PITPNC1: variants seen among roughly 807,000 people sequenced by gnomAD.
PITPNC1 encodes the protein phosphatidylinositol transfer protein cytoplasmic 1, also known as cytoplasmic phosphatidylinositol transfer protein 1.
In PITPNC1, 18 loss-of-function variants were observed where a neutral mutation model predicts 44.7. The ratio of observed to expected loss-of-function variants is 0.40; its 90% CI spans 0.28 to 0.60. The LOEUF (loss-of-function observed/expected upper bound fraction) is 0.60, where lower values mean the gene tolerates loss of function less well. PITPNC1 is among the 20% of genes least tolerant of loss of function. The probability of loss-of-function intolerance (pLI) is 0.39; values close to 1 mark genes in which losing one functional copy is unlikely to be tolerated. For synonymous variants in PITPNC1, 141 were observed against 149.6 expected, an observed-to-expected ratio of 0.94 and a Z score of 0.42; for missense variants, 290 against 418.4, an observed-to-expected ratio of 0.69 and a Z score of 2.68.
At chr17:67,675,336 G>A in intron 7 of PITPNC1, 143 bp from the exon 8 acceptor site, 2 of 659,920 alleles carry the variant, frequency 3.0e-6, no homozygotes, top group Middle Eastern at 2.9e-4. Flanking sequence ...GGACCTATAG[G>A]CAGCCTGTAA....
chr17:67,585,094 C>G (rs1402338702), intron 5 of PITPNC1, among the ~76,000 whole-genome samples: 2 of 128,144 alleles, frequency 1.6e-5, no homozygotes, highest in East Asian at 4.8e-4. Context: ...CCAGACTGAG[C>G]AACAAGAGTG....
At chr17:67,582,129 C>T (rs759914037) in intron 5 of PITPNC1, among the ~76,000 whole-genome samples, 1 of 152,186 alleles carries the variant, frequency 6.6e-6, no homozygotes, top group African/African-American at 2.4e-5. Flanking sequence ...ATATATTTAT[C>T]TAACAATTCT....
chr17:67,692,403 T>C (rs536998783), intron 8 of PITPNC1, among the ~76,000 whole-genome samples, 169 bp from the exon 9 acceptor site: 17 of 152,232 alleles, frequency 1.1e-4, no homozygotes, highest in East Asian at 3.9e-4. Flanking sequence ...TAGCTTCCAA[T>C]AGAAAAAATT....
chr17:67,475,574 C>T (rs1347095618), intron 1 of PITPNC1, among the ~76,000 whole-genome samples: 3 of 152,136 alleles, frequency 2.0e-5, no homozygotes, highest in Admixed American at 6.5e-5. Context: ...CTCGTACAGC[C>T]GCTGATGCCA....
chr17:67,403,511 AT>A lies in PITPNC1; in HGVS notation c.48+25312del, dbSNP rs1405757853. The stretch of plus-strand genomic sequence containing the variant: ...TATATATGTGTCCGTGTGGACATTT[AT>A]TTACCAAGGCTTTGCTTTAAGGGGA... On this transcript the variant is annotated intron_variant, in intron 1 of 8. Coordinates refer to ENST00000581322, the MANE Select transcript of PITPNC1 (RefSeq NM_012417.4). Among the ~76,000 whole-genome samples, 3 of 152,198 alleles carry A rather than the reference AT, an allele frequency of 2.0e-5. No individual in the cohort carries two copies. The East Asian group carries it at 5.8e-4, about 29-fold the overall frequency.
intron 1 of PITPNC1, among the ~76,000 whole-genome samples, chr17:67,523,092 T>C (rs2040348831): frequency 6.6e-6 from 1 of 152,200 alleles, no homozygotes; most frequent in South Asian, 2.1e-4. Flanking sequence ...CGCTGTACCC[T>C]AAACACTCCA....
At chr17:67,487,278 A>G (rs1203730630) in intron 1 of PITPNC1, among the ~76,000 whole-genome samples, 36 of 151,930 alleles carry the variant, frequency 2.4e-4, no homozygotes, top group Admixed American at 2.4e-3. Context: ...AGGTTCAAGC[A>G]ATTCTCTTGC....
intron 1 of PITPNC1, among the ~76,000 whole-genome samples, chr17:67,424,652 G>A (rs1306717522): frequency 1.3e-5 from 2 of 151,956 alleles, no homozygotes; most frequent in Non-Finnish European, 2.9e-5. Flanking sequence ...GGAAGACTCC[G>A]TCTCACAAAA....
chr17:67,440,089 T>C (rs2038992064), intron 1 of PITPNC1, among the ~76,000 whole-genome samples: 1 of 152,170 alleles, frequency 6.6e-6, no homozygotes, highest in African/African-American at 2.4e-5. Context: ...GAGCAAAGCC[T>C]AGAGAATAGT....
At chr17:67,678,217 T>TA (rs1567775103) in intron 8 of PITPNC1, among the ~76,000 whole-genome samples, 1,141 of 15,316 alleles carry the variant, frequency 0.074, 21 homozygotes, top group African/African-American at 0.27. Flanking sequence ...CCTCGTCTCT[T>TA]TAAAAAAAAA....
chr17:67,486,645 G>T (rs892450208), intron 1 of PITPNC1, among the ~76,000 whole-genome samples: 1 of 151,896 alleles, frequency 6.6e-6, no homozygotes, highest in African/African-American at 2.4e-5. Flanking sequence ...CAAGCAAATG[G>T]CAGGGAGGCA....
chr17:67,481,434 C>G (rs1272385803), intron 1 of PITPNC1, among the ~76,000 whole-genome samples: 2 of 152,228 alleles, frequency 1.3e-5, no homozygotes, highest in African/African-American at 4.8e-5. Flanking sequence ...AGCAATAGCT[C>G]TGTGCTATGG....
At chr17:67,424,532 CT>C (rs2038717008) in intron 1 of PITPNC1, among the ~76,000 whole-genome samples, 1 of 152,072 alleles carries the variant, frequency 6.6e-6, no homozygotes, top group African/African-American at 2.4e-5. Context: ...TGGTGGGCGC[CT>C]GTAATCCCAG....
In PITPNC1 at chr17:67,425,193, G is replaced by GCGCGCACA. The variant is rs1160522771; in HGVS notation, c.48+46992_48+46993insGCGCACAC. Among the ~76,000 whole-genome samples the GCGCGCACA allele has an allele frequency of 3.8e-4, 20 of 52,116 alleles. 1 individual carries two copies. Among genetic ancestry groups the GCGCGCACA allele is most frequent in the African/African-American group, 1.8e-3 (18 of 9,762 alleles). The allele number at this position is 52,116 out of a possible 152,430, so 34.2% of individuals were successfully genotyped here. ...AAATAAACAGCCATGTTGTGCGCGC[G>GCGCGCACA]CACGCACACGCACACACACACACAC... On this transcript the variant is annotated intron_variant, in intron 1 of 8. Transcript: ENST00000581322.
At chr17:67,499,607 C>T (rs11870107) in intron 1 of PITPNC1, among the ~76,000 whole-genome samples, 16,765 of 152,288 alleles carry the variant, frequency 0.11, 1,122 homozygotes, top group Middle Eastern at 0.2. Flanking sequence ...GAGGCAATTA[C>T]AGTCATGCAC....
chr17:67,420,455 C>T (rs537612943), intron 1 of PITPNC1, among the ~76,000 whole-genome samples: 18 of 129,204 alleles, frequency 1.4e-4, no homozygotes, highest in Non-Finnish European at 2.8e-4. Flanking sequence ...TTTTTTCTTT[C>T]TTGAGTCTTT....
At chr17:67,610,245 G>A (rs1487090751) in intron 5 of PITPNC1, among the ~76,000 whole-genome samples, 1 of 152,140 alleles carries the variant, frequency 6.6e-6, no homozygotes, top group Admixed American at 6.6e-5. Flanking sequence ...GATTTCCCAG[G>A]TGTTGTGTGC....
chr17:67,429,402 T>C (rs1188392796), intron 1 of PITPNC1, among the ~76,000 whole-genome samples: 2 of 151,622 alleles, frequency 1.3e-5, no homozygotes, highest in Admixed American at 6.6e-5. Flanking sequence ...AAAGTAAGGA[T>C]GTTTTAAAAC....
chr17:67,410,757 A>C (rs975681781), intron 1 of PITPNC1, among the ~76,000 whole-genome samples: 1 of 151,850 alleles, frequency 6.6e-6, no homozygotes, highest in Non-Finnish European at 1.5e-5. Context: ...CCAGCCTACT[A>C]TTGCTCTCTT....
Sources: gnomAD v4.1 joint callset for allele counts (sites outside exome capture counted in the v4.1 genomes callset) on GRCh38, gnomAD v4.1.1 for gene constraint, MANE v1.5 for transcripts, NCBI Gene and HGNC (gene_info 2026-07-23, HGNC 2026-07-21) for gene names.